The following ANKRD13C variants were observed in gnomAD, a reference collection of about 807,000 sequenced individuals.
ANKRD13C encodes the protein ankyrin repeat domain-containing protein 13C.
ANKRD13C carries 16 observed loss-of-function variants against 65.5 expected under a neutral mutation model. The ratio of observed to expected loss-of-function variants is 0.24; its 90% CI spans 0.17 to 0.37. The LOEUF (loss-of-function observed/expected upper bound fraction) is 0.37. Among genes scored for constraint, ANKRD13C ranks in the 10% least tolerant of loss-of-function variants. ANKRD13C has a pLI of 1.00. For missense variants in ANKRD13C, 503 were observed against 655.9 expected (o/e 0.77, Z 2.55); for synonymous variants, 235 against 238.7 (o/e 0.98, Z 0.14).
At chr1:70,290,066 T>A (rs1679794488) in intron 9 of ANKRD13C, among the ~76,000 whole-genome samples, 1 of 152,150 alleles carries the variant, frequency 6.6e-6, no homozygotes, top group South Asian at 2.1e-4. Flanking sequence ...TGGTGAAGCT[T>A]TATCCCAAAG....
intron 9 of ANKRD13C, among the ~76,000 whole-genome samples, chr1:70,287,456 T>TTAATATG (rs1679672085): frequency 6.6e-6 from 1 of 152,108 alleles, no homozygotes; most frequent in African/African-American, 2.4e-5. Flanking sequence ...AAATGGTCAT[T>TTAATATG]TCCTTAAATG....
At chr1:70,342,096 C>T (rs758722104) in intron 1 of ANKRD13C, among the ~76,000 whole-genome samples, 5 of 151,116 alleles carry the variant, frequency 3.3e-5, no homozygotes, top group East Asian at 1.9e-4. Context: ...AAAGAATGGG[C>T]GGCCAGGTGA....
intron 1 of ANKRD13C, among the ~76,000 whole-genome samples, chr1:70,339,857 A>T (rs1572170900): frequency 1.7e-5 from 2 of 115,240 alleles, no homozygotes; most frequent in Non-Finnish European, 3.5e-5. Flanking sequence ...TATTATTATT[A>T]TTATTATTTT....
rs149035868 is a variant in ANKRD13C, at chr1:70,259,570, T to C, written c.*3147A>G. Among the ~76,000 whole-genome samples the C allele has an allele frequency of 1.4e-3, 216 of 152,234 alleles. 2 individuals carry two copies. The highest frequency in any genetic ancestry group is 4.6e-3 in the Admixed American group (70 of 15,292). ...TGAAATTTTTAGGTGGCAACCAGAGTTAGTTACTATTGCCCCAGATTTCTG... is the reference window on the plus strand; with the variant it reads ...TGAAATTTTTAGGTGGCAACCAGAGCTAGTTACTATTGCCCCAGATTTCTG... On this transcript the variant is annotated 3_prime_UTR_variant, in exon 13 of 13. Coordinates refer to ENST00000370944, the MANE Select transcript of ANKRD13C (RefSeq NM_030816.5).
In ANKRD13C at chr1:70,324,970, G is replaced by A. The variant is rs763021098; in HGVS notation, c.473-13C>T. 6 of 1,578,446 alleles carry A rather than the reference G, an allele frequency of 3.8e-6. No homozygotes were observed. Among genetic ancestry groups the A allele is most frequent in the Non-Finnish European group, 5.2e-6 (6 of 1,155,846 alleles). The stretch of plus-strand genomic sequence containing the variant: ...AAATGGGCACATTCTGCAATATAAA[G>A]TAGTAATAATATCAAACATCATGCA... On this transcript the variant is annotated splice_polypyrimidine_tract_variant and intron_variant, in intron 2 of 12. Transcript: ENST00000370944.
At chr1:70,322,587 C>T (rs956859743) in intron 3 of ANKRD13C, among the ~76,000 whole-genome samples, 6 of 152,020 alleles carry the variant, frequency 3.9e-5, no homozygotes, top group Admixed American at 6.6e-5. Context: ...GTTTATTGGC[C>T]TTCCCAATAA....
At chr1:70,301,271 G>A (rs1680344354) in intron 6 of ANKRD13C, among the ~76,000 whole-genome samples, 1 of 151,648 alleles carries the variant, frequency 6.6e-6, no homozygotes, top group Non-Finnish European at 1.5e-5. Context: ...CCCATATTTG[G>A]GGTATTTCCC....
Position 70,284,663 on chromosome 1 carries a change from T to C in ANKRD13C, c.1215+7725A>G, listed in dbSNP as rs574682314. On this transcript the variant is annotated intron_variant, in intron 9 of 12. Transcript: ENST00000370944. ...ATAAAAGTCCATCTCTGCTTCTCTA[T>C]CTTCGTAACTCAGACAAATTAACTT... Among the ~76,000 whole-genome samples, 16 of 152,380 alleles carry C rather than the reference T, an allele frequency of 1.1e-4. No individual in the cohort carries two copies. The South Asian group carries it at 2.9e-3, about 28-fold the overall frequency.
At chr1:70,337,822 G>A (rs775402858) in intron 1 of ANKRD13C, among the ~76,000 whole-genome samples, 2 of 152,176 alleles carry the variant, frequency 1.3e-5, no homozygotes, top group Non-Finnish European at 2.9e-5. Context: ...TCTTTCAGCC[G>A]GGCACGGTGG....
chr1:70,281,755 T>C (rs1018875820), intron 9 of ANKRD13C, among the ~76,000 whole-genome samples: 6 of 151,476 alleles, frequency 4.0e-5, no homozygotes, highest in Admixed American at 2.6e-4. Flanking sequence ...AACTTCAGAA[T>C]GGGCTCTCAA....
chr1:70,323,933 C>A (rs1367131790), intron 3 of ANKRD13C, among the ~76,000 whole-genome samples: 1 of 151,902 alleles, frequency 6.6e-6, no homozygotes, highest in East Asian at 2.0e-4. Flanking sequence ...ACCACGTTGG[C>A]CAGGCTGGTG....
Position 70,262,931 on chromosome 1 carries a change from C to G in ANKRD13C, c.1496-84G>C, listed in dbSNP as rs1242626072. On this transcript the variant is annotated intron_variant, in intron 12 of 12. Transcript: ENST00000370944. ...CAAAGTACTATTGGAGATGTCCATA[C>G]TCCTTAAAATGTAAAAAAAAAAAAA... is the stretch of plus-strand genomic sequence containing the variant. The G allele has an allele frequency of 1.2e-5, 9 of 721,032 alleles. No homozygotes were observed. The East Asian group carries it at 3.6e-4, about 29-fold the overall frequency. 44.7% of individuals were successfully genotyped at this position (721,032 alleles called of 1,614,324 possible).
At chr1:70,265,438 T>C (rs983126580) in intron 12 of ANKRD13C, among the ~76,000 whole-genome samples, 1 of 152,074 alleles carries the variant, frequency 6.6e-6, no homozygotes, top group Non-Finnish European at 1.5e-5. Flanking sequence ...GGATCAATAA[T>C]AAATAAACAG....
chr1:70,304,885 G>A (rs749244657), intron 6 of ANKRD13C, among the ~76,000 whole-genome samples: 1 of 152,034 alleles, frequency 6.6e-6, no homozygotes, highest in Non-Finnish European at 1.5e-5. Flanking sequence ...CTATTTTTCT[G>A]TATTTTCCAA....
chr1:70,328,314 G>A (rs1440488002), intron 2 of ANKRD13C, among the ~76,000 whole-genome samples: 1 of 152,138 alleles, frequency 6.6e-6, no homozygotes, highest in East Asian at 1.9e-4. Flanking sequence ...GTACTGCTAA[G>A]TGATAGAATT....
At chr1:70,317,052 T>G (rs1321129512) in intron 3 of ANKRD13C, among the ~76,000 whole-genome samples, 1 of 38,324 alleles carries the variant, frequency 2.6e-5, no homozygotes, top group African/African-American at 9.5e-5. Flanking sequence ...AGTGAAAGCT[T>G]GGACTAGATT....
intron 11 of ANKRD13C, among the ~76,000 whole-genome samples, chr1:70,272,975 G>T (rs907724420): frequency 1.3e-5 from 2 of 149,528 alleles, no homozygotes; most frequent in Non-Finnish European, 3.0e-5. Context: ...GCAACAGAGT[G>T]AGACTCTGTC....
At position 70,336,609 on chromosome 1, in the gene ANKRD13C, G is replaced by C. The variant is rs936937182; in HGVS notation, c.431-510C>G. ...TGCAGAGAGTTAAATATTGAAGAAT[G>C]GACCACACTGAAATGAGCCTTAAAG... On this transcript the variant is annotated intron_variant, in intron 1 of 12. Transcript: ENST00000370944. Among the ~76,000 whole-genome samples the C allele has an allele frequency of 6.3e-4, 96 of 152,236 alleles. 1 individual carries two copies. The highest frequency in any genetic ancestry group is 2.2e-3 in the African/African-American group (92 of 41,548).
intron 9 of ANKRD13C, among the ~76,000 whole-genome samples, chr1:70,277,230 G>A (rs1679179952): frequency 6.6e-6 from 1 of 152,156 alleles, no homozygotes; most frequent in African/African-American, 2.4e-5. Context: ...GGCCAAGGCG[G>A]GTGGATCACG....
Sources: allele counts gnomAD v4.1 joint callset (sites outside exome capture counted in the v4.1 genomes callset), GRCh38; gene constraint gnomAD v4.1.1; transcripts MANE v1.5; gene names NCBI Gene and HGNC (gene_info 2026-07-23, HGNC 2026-07-21).